The following ZC3H12B variants were observed in gnomAD, a reference collection of about 807,000 sequenced individuals.
ZC3H12B encodes the protein zinc finger CCCH-type containing 12B.
ZC3H12B carries 7 observed loss-of-function variants against 43.9 expected under a neutral mutation model. The ratio of observed to expected loss-of-function variants is 0.16; its 90% CI spans 0.09 to 0.30. The LOEUF (loss-of-function observed/expected upper bound fraction) is 0.30, where lower values mean the gene tolerates loss of function less well. Among genes scored for constraint, ZC3H12B ranks in the 10% least tolerant of loss-of-function variants. The probability of loss-of-function intolerance (pLI) is 1.00; values close to 1 mark genes in which losing one functional copy is unlikely to be tolerated. For missense variants in ZC3H12B, 475 were observed against 670.2 expected (o/e 0.71, Z 3.22); for synonymous variants, 222 against 241.7 (o/e 0.92, Z 0.76).
chrX:65,421,452 C>T (rs1052102652), intron 3 of ZC3H12B, among the ~76,000 whole-genome samples: 1 of 112,231 alleles, frequency 8.9e-6, no homozygotes, highest in Non-Finnish European at 1.9e-5. Context: ...ATCAGCCAAG[C>T]TACCTGATAG....
chrX:65,104,793 T>C, the ZC3H12B span, among the ~76,000 whole-genome samples: 1 of 111,809 alleles, frequency 8.9e-6, no homozygotes, highest in Admixed American at 9.5e-5. Context: ...GGAATGGTTG[T>C]ACACTATTGG....
the ZC3H12B span, among the ~76,000 whole-genome samples, chrX:65,280,789 G>A: frequency 9.0e-6 from 1 of 111,362 alleles, no homozygotes; most frequent in Non-Finnish European, 1.9e-5. Flanking sequence ...ATTTACAATA[G>A]CTACCAAAAA....
At chrX:65,043,430 A>G in the ZC3H12B span, among the ~76,000 whole-genome samples, 1 of 110,777 alleles carries the variant, frequency 9.0e-6, no homozygotes, top group Non-Finnish European at 1.9e-5. Flanking sequence ...GATAATTTAT[A>G]AAAATATGAA....
chrX:65,122,517 C>T, the ZC3H12B span, among the ~76,000 whole-genome samples: 1 of 111,220 alleles, frequency 9.0e-6, no homozygotes, highest in Non-Finnish European at 1.9e-5. Flanking sequence ...ATGACAGGAT[C>T]AAATTCACAC....
chrX:65,431,945 G>C (rs1203767270), intron 3 of ZC3H12B, among the ~76,000 whole-genome samples: 1 of 111,983 alleles, frequency 8.9e-6, no homozygotes, highest in Non-Finnish European at 1.9e-5. Flanking sequence ...TGCTGCAGCT[G>C]TTCACTTTTG....
At chrX:65,105,361 G>T in the ZC3H12B span, among the ~76,000 whole-genome samples, 1 of 111,256 alleles carries the variant, frequency 9.0e-6, no homozygotes, top group African/African-American at 3.3e-5. Flanking sequence ...CATGGCACAT[G>T]TAAATCTATG....
the ZC3H12B span, among the ~76,000 whole-genome samples, chrX:65,275,509 T>C: frequency 0.033 from 3,761 of 112,955 alleles, 147 homozygotes; most frequent in African/African-American, 0.12. Flanking sequence ...AGAAATAGTT[T>C]AGCAAGCTTA....
chrX:65,118,094 C>T, the ZC3H12B span, among the ~76,000 whole-genome samples: 33 of 110,865 alleles, frequency 3.0e-4, no homozygotes, highest in East Asian at 2.9e-4. Context: ...TCCAATTCTG[C>T]GAAGAAAGTC....
the ZC3H12B span, among the ~76,000 whole-genome samples, chrX:65,173,320 G>A: frequency 9.0e-6 from 1 of 111,671 alleles, no homozygotes; most frequent in South Asian, 3.8e-4. Flanking sequence ...GGAGTTTTAG[G>A]GCTGAGATGA....
rs184004821 is a variant in ZC3H12B at position 65,380,481 on chromosome X, C to T, written n.295+11483C>T. Among the ~76,000 whole-genome samples the T allele has an allele frequency of 3.4e-3, 384 of 111,638 alleles. 2 individuals are homozygous for T. Among genetic ancestry groups the T allele is most frequent in the Admixed American group, 7.1e-3 (74 of 10,485 alleles). On this transcript the variant is annotated intron_variant and non_coding_transcript_variant, in intron 2 of 5. Transcript: ENST00000617377. ...AGCGCTAAACATGGAAAGGAACAAC[C>T]GGTACCAGCCACTGCAAAATCATGC...
At chrX:65,251,176 AC>A in the ZC3H12B span, among the ~76,000 whole-genome samples, 8 of 111,487 alleles carry the variant, frequency 7.2e-5, no homozygotes, top group African/African-American at 2.6e-4. Context: ...TTTTCCCAGG[AC>A]CATTTATTAA....
chrX:65,470,765 C>T (rs180715884), intron 3 of ZC3H12B, among the ~76,000 whole-genome samples: 6 of 112,083 alleles, frequency 5.4e-5, no homozygotes, highest in African/African-American at 1.9e-4. Context: ...ATGTCATTTA[C>T]ATCTTGATTT....
chrX:65,226,910 T>G, the ZC3H12B span, among the ~76,000 whole-genome samples: 1 of 111,053 alleles, frequency 9.0e-6, no homozygotes, highest in Non-Finnish European at 1.9e-5. Flanking sequence ...CAAAGAGACT[T>G]AGACTCCCAC....
the ZC3H12B span, among the ~76,000 whole-genome samples, chrX:65,192,645 A>G: frequency 1.8e-5 from 2 of 111,827 alleles, no homozygotes; most frequent in African/African-American, 6.5e-5. Flanking sequence ...ACGATGGATT[A>G]CATTGGCTGA....
the ZC3H12B span, among the ~76,000 whole-genome samples, chrX:65,305,539 C>A: frequency 8.9e-6 from 1 of 111,788 alleles, no homozygotes; most frequent in Non-Finnish European, 1.9e-5. Context: ...GCATTTCTCC[C>A]CTTCTCTGCC....
chrX:65,437,691 G>T (rs905019546), intron 3 of ZC3H12B, among the ~76,000 whole-genome samples: 5 of 110,072 alleles, frequency 4.5e-5, no homozygotes, highest in Non-Finnish European at 9.4e-5. Flanking sequence ...TCATTCTATG[G>T]GTTGTCTCTT....
At chrX:65,499,649 G>A (rs1462875427) in intron 3 of ZC3H12B, among the ~76,000 whole-genome samples, 2 of 111,258 alleles carry the variant, frequency 1.8e-5, no homozygotes, top group East Asian at 2.8e-4. Flanking sequence ...ATGCCAGTAC[G>A]GCTCAAACAT....
At chrX:65,053,918 G>A in the ZC3H12B span, among the ~76,000 whole-genome samples, 1 of 111,896 alleles carries the variant, frequency 8.9e-6, no homozygotes, top group African/African-American at 3.3e-5. Flanking sequence ...TTTGAGAAGT[G>A]TCTGTTCATA....
At chrX:65,058,649 G>T in the ZC3H12B span, among the ~76,000 whole-genome samples, 2 of 112,199 alleles carry the variant, frequency 1.8e-5, no homozygotes, top group Non-Finnish European at 3.8e-5. Flanking sequence ...GCTGCCTTTT[G>T]TTCGGCTGTG....
Sources: allele counts gnomAD v4.1 joint callset (sites outside exome capture counted in the v4.1 genomes callset), GRCh38; gene constraint gnomAD v4.1.1; transcripts MANE v1.5; gene names NCBI Gene and HGNC (gene_info 2026-07-23, HGNC 2026-07-21).